CEP112: variants seen among roughly 807,000 people sequenced by gnomAD.
CEP112 encodes the protein centrosomal protein of 112 kDa.
In CEP112, 127 loss-of-function variants were observed where a neutral mutation model predicts 153.0. That is an observed-to-expected ratio of 0.83 (90% confidence interval 0.72 to 0.96). The LOEUF (loss-of-function observed/expected upper bound fraction) is 0.96. Ranked by LOEUF, CEP112 falls within the 40% of genes least tolerant of loss-of-function variation. CEP112 has a pLI of 0.00. For missense variants in CEP112, 1,089 were observed against 1,101.2 expected, an observed-to-expected ratio of 0.99 and a Z score of 0.16; for synonymous variants, 358 against 374.4, an observed-to-expected ratio of 0.96 and a Z score of 0.51.
chr17:65,922,153 T>C (rs1031909419), intron 19 of CEP112, among the ~76,000 whole-genome samples: 3 of 152,140 alleles, frequency 2.0e-5, no homozygotes, highest in African/African-American at 7.2e-5. Flanking sequence ...CACATCATGG[T>C]TAATTCTAAT....
chr17:65,640,958 A>G lies in CEP112; in HGVS notation c.2799+6T>C. 3 of 1,501,170 alleles carry G rather than the reference A, an allele frequency of 2.0e-6. No individual in the cohort carries two copies. Among genetic ancestry groups the G allele is most frequent in the Non-Finnish European group, 2.8e-6 (3 of 1,077,422 alleles). The allele number at this position is 1,501,170 out of a possible 1,614,324, so 93.0% of individuals were successfully genotyped here. A position where few individuals can be genotyped will look rare whatever the true frequency, so the allele number is the denominator to read the frequency against. ...CCTTGGAAAATGCCTTGATTCTAGT[A>G]ATTACCTGTGATTTTAGGGAGGAAA... On this transcript the variant is annotated splice_donor_region_variant and intron_variant, in intron 25 of 26. Coordinates refer to ENST00000535342, the MANE Select transcript of CEP112 (RefSeq NM_001199165.4).
At chr17:65,942,399 A>G in intron 18 of CEP112, among the ~76,000 whole-genome samples, 1 of 151,204 alleles carries the variant, frequency 6.6e-6, no homozygotes, top group East Asian at 1.9e-4. Context: ...ATAGGTGCTT[A>G]TTTTTTTTTC....
At chr17:66,101,751 C>G (rs2146314057) in intron 6 of CEP112, among the ~76,000 whole-genome samples, 1 of 151,906 alleles carries the variant, frequency 6.6e-6, no homozygotes, top group Non-Finnish European at 1.5e-5. Context: ...TTTCTGATTA[C>G]TGTATAGTTT....
At chr17:65,995,828 G>T (rs2063765927) in intron 17 of CEP112, among the ~76,000 whole-genome samples, 2 of 152,074 alleles carry the variant, frequency 1.3e-5, no homozygotes, top group Non-Finnish European at 2.9e-5. Context: ...CCCCCATACT[G>T]TTCTCGTGCA....
chr17:65,660,458 CTCTCCTTCCTTCCTTCCTTCCTTCCT>C (rs1266658381), intron 24 of CEP112, among the ~76,000 whole-genome samples: 1 of 54,932 alleles, frequency 1.8e-5, no homozygotes, highest in South Asian at 1.1e-3. Context: ...TCTCTTCTCT[CTCTCCTTCCTTCCTTCCTTCCTTCCT>C]TCCTTCCTTC....
chr17:65,899,793 T>C (rs929198910), intron 20 of CEP112, among the ~76,000 whole-genome samples: 8 of 152,156 alleles, frequency 5.3e-5, no homozygotes, highest in Non-Finnish European at 8.8e-5. Flanking sequence ...CCTCCATTGC[T>C]AAACTAGAAT....
Position 66,012,528 on chromosome 17 carries a change from T to C in CEP112, c.1657-6759A>G, listed in dbSNP as rs184049095. On this transcript the variant is annotated intron_variant, in intron 16 of 26. Transcript: ENST00000535342. ...ACATAAAACTCTTGGCTGAAAATTC[T>C]TTTCCTTAAGAATGCTGAATATAGG... Among the ~76,000 whole-genome samples the C allele has an allele frequency of 9.8e-5, 15 of 152,348 alleles. No individual in the cohort carries two copies. In the East Asian group the frequency reaches 1.3e-3, roughly 14 times the overall value.
In CEP112 at chr17:66,146,741, G is replaced by T. The variant is rs563911802; in HGVS notation, c.471-13978C>A. ...TTTCTATGAATTTGACAACTTTAGA[G>T]ACCTCATATAAGTTAAACGGTATCT... On this transcript the variant is annotated intron_variant, in intron 4 of 26. Transcript: ENST00000535342. Among the ~76,000 whole-genome samples the T allele has an allele frequency of 7.2e-5, 11 of 152,204 alleles. No individual in the cohort carries two copies. In the South Asian group the frequency reaches 2.1e-3, roughly 29 times the overall value.
intron 6 of CEP112, among the ~76,000 whole-genome samples, chr17:66,120,281 A>G (rs536509582): frequency 6.6e-6 from 1 of 151,830 alleles, no homozygotes; most frequent in Non-Finnish European, 1.5e-5. Context: ...GCTCACTGCA[A>G]CCTCCACCTC....
chr17:66,143,021 A>C (rs1372332850), intron 4 of CEP112, among the ~76,000 whole-genome samples: 1 of 152,138 alleles, frequency 6.6e-6, no homozygotes, highest in Non-Finnish European at 1.5e-5. Flanking sequence ...TCTTTCACTG[A>C]TGTTTTACAG....
intron 17 of CEP112, among the ~76,000 whole-genome samples, chr17:65,978,256 T>TGAAAGAAA (rs113801018): frequency 6.6e-6 from 1 of 151,186 alleles, no homozygotes; most frequent in Non-Finnish European, 1.5e-5. Flanking sequence ...ATCCTATCTC[T>TGAAAGAAA]AAAAGAAAAT....
intron 21 of CEP112, among the ~76,000 whole-genome samples, chr17:65,754,201 C>T (rs1176962846): frequency 2.0e-5 from 3 of 152,106 alleles, no homozygotes; most frequent in East Asian, 1.9e-4. Context: ...GAGAGGGTGA[C>T]GTATGAACAA....
chr17:65,749,568 A>G (rs1197782967), intron 22 of CEP112, among the ~76,000 whole-genome samples: 2 of 152,122 alleles, frequency 1.3e-5, no homozygotes, highest in African/African-American at 2.4e-5. Flanking sequence ...CCAGGCTGGT[A>G]GTGTTAAGGT....
intron 21 of CEP112, among the ~76,000 whole-genome samples, chr17:65,784,503 C>T (rs966512763): frequency 6.6e-6 from 1 of 152,114 alleles, no homozygotes; most frequent in East Asian, 1.9e-4. Flanking sequence ...TTGTTTGAGA[C>T]GGAACCTCAC....
At chr17:66,132,168 CAAAAAAAAAAAAAAAAAA>C (rs56221578) in intron 5 of CEP112, among the ~76,000 whole-genome samples, 12 of 39,880 alleles carry the variant, frequency 3.0e-4, no homozygotes, top group African/African-American at 5.6e-4. Context: ...GACTCCATCT[CAAAAAAAAAAAAAAAAAA>C]AAAAAAAAAA....
chr17:66,093,659 T>G (rs527814770), intron 8 of CEP112, among the ~76,000 whole-genome samples: 27 of 150,622 alleles, frequency 1.8e-4, no homozygotes, highest in Non-Finnish European at 3.5e-4. Flanking sequence ...TGTAAAACAC[T>G]GATAAAAGAA....
intron 20 of CEP112, among the ~76,000 whole-genome samples, chr17:65,893,066 G>A (rs1014262640): frequency 1.3e-5 from 2 of 151,960 alleles, no homozygotes; most frequent in Non-Finnish European, 2.9e-5. Flanking sequence ...CTTTCCACTG[G>A]AAAATCCCCT....
intron 17 of CEP112, 36 bp from the exon 18 acceptor site, chr17:65,961,634 T>C: frequency 6.4e-7 from 1 of 1,570,050 alleles, no homozygotes; most frequent in Non-Finnish European, 8.7e-7. Context: ...AGTTAAAATA[T>C]AAAAGAGCTA....
chr17:65,639,384 T>C (rs2044968342), intron 25 of CEP112, among the ~76,000 whole-genome samples: 1 of 151,806 alleles, frequency 6.6e-6, no homozygotes, highest in Non-Finnish European at 1.5e-5. Flanking sequence ...AAGGAAAAAA[T>C]ATGTCTTAAA....
Sources: gnomAD v4.1 joint callset for allele counts (sites outside exome capture counted in the v4.1 genomes callset) on GRCh38, gnomAD v4.1.1 for gene constraint, MANE v1.5 for transcripts, NCBI Gene and HGNC (gene_info 2026-07-23, HGNC 2026-07-21) for gene names.